Variants in TXNDC9 observed in about 807,000 individuals in gnomAD.
TXNDC9 encodes thioredoxin domain-containing protein 9.
Under a neutral mutation model 23.0 loss-of-function variants are expected in TXNDC9, and 7 were observed. The ratio of observed to expected loss-of-function variants is 0.30; its 90% confidence interval spans 0.17 to 0.57. TXNDC9 has a LOEUF of 0.57. Among genes scored for constraint, TXNDC9 ranks in the 20% least tolerant of loss-of-function variants. The pLI is 0.90. For missense variants in TXNDC9, 198 were observed against 252.6 expected, an observed-to-expected ratio of 0.78 and a Z score of 1.47; for synonymous variants, 72 against 90.6, an observed-to-expected ratio of 0.79 and a Z score of 1.17.
At chr2:99,306,540 C>A in the TXNDC9 span, among the ~76,000 whole-genome samples, 1 of 152,148 alleles carries the variant, frequency 6.6e-6, no homozygotes, top group Non-Finnish European at 1.5e-5. Flanking sequence ...GGGGCTCCCT[C>A]TTTCAGTCGT....
chr2:99,324,378 T>C (rs2094208955), intron 3 of TXNDC9, among the ~76,000 whole-genome samples: 1 of 152,180 alleles, frequency 6.6e-6, no homozygotes, highest in Non-Finnish European at 1.5e-5. Context: ...GCCTCATCAC[T>C]TTTTCCCCGG....
intron 1 of TXNDC9, among the ~76,000 whole-genome samples, chr2:99,335,677 G>C (rs1401264861): frequency 6.6e-6 from 1 of 152,120 alleles, no homozygotes; most frequent in African/African-American, 2.4e-5. Context: ...TGTGCTCCAG[G>C]GATAAGCACA....
intron 3 of TXNDC9, among the ~76,000 whole-genome samples, chr2:99,323,921 C>T (rs1171186924): frequency 1.3e-5 from 2 of 152,166 alleles, no homozygotes; most frequent in African/African-American, 4.8e-5. Flanking sequence ...TCTCGGCTCA[C>T]TGTAATCTCT....
At chr2:99,321,364 C>G (rs550845703) in intron 4 of TXNDC9, 8 of 152,260 alleles carry the variant, frequency 5.3e-5, no homozygotes, top group African/African-American at 1.9e-4. Flanking sequence ...AATTATTTGT[C>G]TGAAGAAGTG....
chr2:99,335,068 C>T (rs971632445), intron 1 of TXNDC9, among the ~76,000 whole-genome samples: 1 of 152,148 alleles, frequency 6.6e-6, no homozygotes, highest in African/African-American at 2.4e-5. Flanking sequence ...AAATTTTATA[C>T]CAACAATTAG....
At chr2:99,316,336 A>C (rs536796347), downstream of TXNDC9, among the ~76,000 whole-genome samples, 1 of 151,896 alleles carries the variant, frequency 6.6e-6, no homozygotes, top group Non-Finnish European at 1.5e-5. Flanking sequence ...ACACCTGGCT[A>C]ATTTTTAAAA....
chr2:99,319,936 A>C (rs2094197573), intron 4 of TXNDC9, 137 bp from the exon 5 acceptor site: 2 of 602,056 alleles, frequency 3.3e-6, no homozygotes, highest in East Asian at 5.7e-5. Flanking sequence ...GAAGAGGTAT[A>C]ATGCTTATAT....
intron 3 of TXNDC9, chr2:99,322,760 T>C: frequency 7.4e-7 from 1 of 1,345,692 alleles, no homozygotes; most frequent in South Asian, 2.0e-5. Flanking sequence ...GTAGTAACTT[T>C]TTTATTTTTT....
At chr2:99,335,086 G>A (rs909976226) in intron 1 of TXNDC9, among the ~76,000 whole-genome samples, 1 of 152,238 alleles carries the variant, frequency 6.6e-6, no homozygotes, top group Non-Finnish European at 1.5e-5. Flanking sequence ...TAGAGGGCAA[G>A]TTTATGTGTA....
downstream of TXNDC9, among the ~76,000 whole-genome samples, chr2:99,318,368 G>T (rs2094194385): frequency 6.6e-6 from 1 of 151,764 alleles, no homozygotes; most frequent in Non-Finnish European, 1.5e-5. Context: ...TAGAGACGGG[G>T]TTTCACCAAG....
the TXNDC9 span, among the ~76,000 whole-genome samples, chr2:99,310,257 C>G: frequency 6.6e-6 from 1 of 152,184 alleles, no homozygotes; most frequent in Non-Finnish European, 1.5e-5. Context: ...AATATATGAT[C>G]TCTTTGGAGC....
In TXNDC9 at chr2:99,322,087, G is replaced by T. The variant is rs1263946456; in HGVS notation, c.431C>A (p.Pro144His). 1.9e-6 allele frequency: 3 copies of T among 1,614,048 alleles called. No individual in the cohort carries two copies. Among genetic ancestry groups the T allele is most frequent in the Non-Finnish European group, 2.5e-6 (3 of 1,180,012 alleles). ...LCERLHIKVI[P>H]TLALLKDGKT... is the part of the protein sequence containing the mutation. ...CCCATCTTTTAGCAGTGCTAGTGTG[G>T]GAATGACTTTGATATGCAGTCTCTC... The change falls in exon 4 of 5, where the codon CCC (proline) becomes CAC (histidine). Residue 144 changes from proline to histidine, a missense_variant. Coordinates refer to ENST00000264255, the MANE Select transcript of TXNDC9 (RefSeq NM_005783.4).
intron 4 of TXNDC9, among the ~76,000 whole-genome samples, chr2:99,320,641 A>C (rs1275006050): frequency 1.3e-5 from 2 of 152,216 alleles, no homozygotes; most frequent in East Asian, 3.8e-4. Flanking sequence ...ACTTGAAATA[A>C]GAGCGGTAAA....
the TXNDC9 span, among the ~76,000 whole-genome samples, chr2:99,311,368 G>GC: frequency 6.6e-6 from 1 of 151,912 alleles, no homozygotes; most frequent in African/African-American, 2.4e-5. Flanking sequence ...GCTCACTGCA[G>GC]CCACAAACTC....
chr2:99,333,623 A>C (rs574775595), intron 1 of TXNDC9, among the ~76,000 whole-genome samples: 1 of 152,322 alleles, frequency 6.6e-6, no homozygotes, highest in East Asian at 1.9e-4. Flanking sequence ...ATCAGAAACA[A>C]CTGCGAACAA....
chr2:99,331,509 CAAAAA>C (rs1331778345), intron 2 of TXNDC9, among the ~76,000 whole-genome samples: 2 of 54,772 alleles, frequency 3.7e-5, no homozygotes, highest in Non-Finnish European at 7.5e-5. Flanking sequence ...GACTCCCTCT[CAAAAA>C]AAAAAAAAAA....
At chr2:99,315,272 A>G (rs1365650982), downstream of TXNDC9, among the ~76,000 whole-genome samples, 7 of 151,650 alleles carry the variant, frequency 4.6e-5, no homozygotes, top group Admixed American at 1.3e-4. Flanking sequence ...TCACCGTGTT[A>G]GCCAGGATGG....
the TXNDC9 span, among the ~76,000 whole-genome samples, chr2:99,310,591 G>A: frequency 6.6e-6 from 1 of 152,080 alleles, no homozygotes; most frequent in Admixed American, 6.6e-5. Flanking sequence ...GTTAGTAGAT[G>A]GAATTAAGGT....
Position 99,336,301 on chromosome 2 carries a change from G to A in TXNDC9, c.-95C>T, listed in dbSNP as rs890969367. 1.5e-4 allele frequency: 147 copies of A among 985,506 alleles called. No individual in the cohort carries two copies. Among genetic ancestry groups the A allele is most frequent in the Middle Eastern group, 5.2e-4 (1 of 1,914 alleles). The allele number at this position is 985,506 out of a possible 1,614,324, so 61.0% of individuals were successfully genotyped here. A position where few individuals can be genotyped will look rare whatever the true frequency, so the allele number is the denominator to read the frequency against. ...CAGTTTCAAAAGACACGTCCACTCC[G>A]GCTTTTGCCTTGCAGTAGCTGCCGG... is the stretch of plus-strand genomic sequence containing the variant. On this transcript the variant is annotated 5_prime_UTR_variant, in exon 1 of 5. Transcript: ENST00000264255.
Sources: allele counts gnomAD v4.1 joint callset (sites outside exome capture counted in the v4.1 genomes callset), GRCh38; gene constraint gnomAD v4.1.1; transcripts MANE v1.5; gene names NCBI Gene and HGNC (gene_info 2026-07-23, HGNC 2026-07-21).